Variants in KHDRBS3 observed in about 807,000 individuals in gnomAD.
KHDRBS3 encodes the protein KH RNA binding domain containing, signal transduction associated 3, also known as KH domain-containing, RNA-binding, signal transduction-associated protein 3.
In KHDRBS3, 23 loss-of-function variants were observed where a neutral mutation model predicts 45.6. That is an observed-to-expected ratio of 0.50 (90% CI 0.36 to 0.72). The LOEUF (loss-of-function observed/expected upper bound fraction) is 0.72, where lower values mean the gene tolerates loss of function less well. Among genes scored for constraint, KHDRBS3 ranks in the 30% least tolerant of loss-of-function variants. The pLI, the probability that KHDRBS3 is intolerant of heterozygous loss-of-function variation, is 0.00. For synonymous variants in KHDRBS3, 162 were observed against 156.5 expected (o/e 1.04, Z -0.26); for missense variants, 352 against 424.8 (o/e 0.83, Z 1.51).
chr8:135,611,342 A>G (rs1411279648), intron 7 of KHDRBS3, among the ~76,000 whole-genome samples: 1 of 151,988 alleles, frequency 6.6e-6, no homozygotes, highest in Non-Finnish European at 1.5e-5. Context: ...TACACAAAGG[A>G]GACAAACTTT....
At chr8:135,604,923 G>A (rs1410412984) in intron 6 of KHDRBS3, among the ~76,000 whole-genome samples, 1 of 150,648 alleles carries the variant, frequency 6.6e-6, no homozygotes, top group African/African-American at 2.4e-5. Context: ...TTAGTTGACA[G>A]TCTTTTTTTT....
chr8:135,620,497 G>A (rs907162136), intron 7 of KHDRBS3, among the ~76,000 whole-genome samples: 19 of 152,056 alleles, frequency 1.2e-4, no homozygotes, highest in Non-Finnish European at 2.9e-5. Flanking sequence ...TCACAGTTAT[G>A]GCTCATTTAT....
At chr8:135,582,128 T>C in intron 6 of KHDRBS3, 55 bp downstream of exon 6, 21 of 1,430,364 alleles carry the variant, frequency 1.5e-5, no homozygotes, top group Non-Finnish European at 1.9e-5. Flanking sequence ...TAATCCAGAC[T>C]TAGCACTGGA....
At chr8:135,582,985 A>G (rs1262811582) in intron 6 of KHDRBS3, among the ~76,000 whole-genome samples, 2 of 152,186 alleles carry the variant, frequency 1.3e-5, no homozygotes, top group Non-Finnish European at 2.9e-5. Flanking sequence ...AATTCCCTGA[A>G]CATTCTGTGT....
chr8:135,524,945 A>C (rs1825106057), intron 2 of KHDRBS3, among the ~76,000 whole-genome samples: 1 of 152,078 alleles, frequency 6.6e-6, no homozygotes, highest in African/African-American at 2.4e-5. Flanking sequence ...TCTGTCACTG[A>C]GTACGGTTAA....
intron 7 of KHDRBS3, among the ~76,000 whole-genome samples, chr8:135,641,777 TTTAA>T (rs1409208877): frequency 1.3e-5 from 2 of 152,356 alleles, no homozygotes; most frequent in African/African-American, 4.8e-5. Flanking sequence ...TGTCAAAAGC[TTTAA>T]TTGAGTCTCA....
intron 7 of KHDRBS3, among the ~76,000 whole-genome samples, chr8:135,643,632 G>A: frequency 6.6e-6 from 1 of 152,198 alleles, no homozygotes; most frequent in East Asian, 1.9e-4. Context: ...GCCATGCTGT[G>A]CCGTAGTCAT....
At chr8:135,613,410 T>TCGTTTAGAGGGCCGG (rs1404452867) in intron 7 of KHDRBS3, among the ~76,000 whole-genome samples, 2 of 151,752 alleles carry the variant, frequency 1.3e-5, no homozygotes, top group African/African-American at 4.9e-5. Context: ...AAAAAGATTC[T>TCGTTTAGAGGGCCGG]CGTTTAGAGG....
At chr8:135,521,873 C>CACTTTT (rs1824926768) in intron 2 of KHDRBS3, among the ~76,000 whole-genome samples, 1 of 152,092 alleles carries the variant, frequency 6.6e-6, no homozygotes, top group East Asian at 1.9e-4. Flanking sequence ...TTTGTCTAGG[C>CACTTTT]ACTTTTAATT....
intron 1 of KHDRBS3, among the ~76,000 whole-genome samples, chr8:135,478,341 A>G (rs979370006): frequency 1.3e-5 from 2 of 152,248 alleles, no homozygotes; most frequent in Non-Finnish European, 2.9e-5. Context: ...AACTAACACA[A>G]TGGCTTTAAA....
intron 7 of KHDRBS3, among the ~76,000 whole-genome samples, chr8:135,612,771 A>T (rs767815227): frequency 1.3e-5 from 2 of 151,828 alleles, no homozygotes; most frequent in Non-Finnish European, 2.9e-5. Context: ...AAAGCTGCTC[A>T]GTCCCCCATG....
At chr8:135,538,026 C>T (rs141151243) in intron 2 of KHDRBS3, among the ~76,000 whole-genome samples, 15 of 152,288 alleles carry the variant, frequency 9.8e-5, no homozygotes, top group African/African-American at 3.6e-4. Context: ...GGAGAAAGCA[C>T]TGACCATGAG....
chr8:135,643,706 G>A (rs11988916), intron 7 of KHDRBS3, among the ~76,000 whole-genome samples: 26,419 of 152,232 alleles, frequency 0.17, 3,563 homozygotes, highest in East Asian at 0.53. Flanking sequence ...GAAAAACTCC[G>A]TGTGGTTGTG....
intron 2 of KHDRBS3, among the ~76,000 whole-genome samples, chr8:135,527,075 A>G (rs1216406415): frequency 6.6e-6 from 1 of 152,104 alleles, no homozygotes; most frequent in Non-Finnish European, 1.5e-5. Flanking sequence ...TTTAGGGTTT[A>G]CATTTATTTT....
chr8:135,521,761 C>T (rs1216926066), intron 2 of KHDRBS3, among the ~76,000 whole-genome samples: 2 of 152,102 alleles, frequency 1.3e-5, no homozygotes, highest in African/African-American at 4.8e-5. Context: ...TCTGAATGTT[C>T]ATATACATGA....
chr8:135,607,429 A>T (rs889096543), intron 7 of KHDRBS3, among the ~76,000 whole-genome samples: 1 of 152,230 alleles, frequency 6.6e-6, no homozygotes, highest in African/African-American at 2.4e-5. Context: ...TTTCCTATTC[A>T]TAGAACATTT....
chr8:135,565,947 T>C (rs1471085001), intron 5 of KHDRBS3, among the ~76,000 whole-genome samples: 2 of 152,172 alleles, frequency 1.3e-5, no homozygotes, highest in Non-Finnish European at 2.9e-5. Flanking sequence ...TATCCAAAGA[T>C]TAGTTTTTTG....
intron 6 of KHDRBS3, among the ~76,000 whole-genome samples, chr8:135,589,174 C>G (rs1828624265): frequency 6.6e-6 from 1 of 152,208 alleles, no homozygotes; most frequent in Non-Finnish European, 1.5e-5. Context: ...GCACAACAGA[C>G]AGAGGTTGCC....
intron 7 of KHDRBS3, among the ~76,000 whole-genome samples, chr8:135,629,770 T>C (rs955672559): frequency 6.6e-6 from 1 of 152,228 alleles, no homozygotes; most frequent in African/African-American, 2.4e-5. Flanking sequence ...TCTAGAATAC[T>C]GTAGGACTGT....
Sources: allele counts gnomAD v4.1 joint callset (sites outside exome capture counted in the v4.1 genomes callset), GRCh38; gene constraint gnomAD v4.1.1; transcripts MANE v1.5; gene names NCBI Gene and HGNC (gene_info 2026-07-23, HGNC 2026-07-21).